NOL4L: variants seen among roughly 807,000 people sequenced by gnomAD.
NOL4L encodes nucleolar protein 4 like, also known as nucleolar protein 4-like.
Under a neutral mutation model 64.5 loss-of-function variants are expected in NOL4L, and 7 were observed. The observed-to-expected ratio is 0.11, with a 90% CI of 0.06 to 0.20. NOL4L has a LOEUF of 0.20. Ranked by LOEUF, NOL4L falls within the 10% of genes least tolerant of loss-of-function variation. NOL4L has a pLI of 1.00. For missense variants in NOL4L, 680 were observed against 967.1 expected, an observed-to-expected ratio of 0.70 and a Z score of 3.94; for synonymous variants, 413 against 401.0, an observed-to-expected ratio of 1.03 and a Z score of -0.36.
intron 4 of NOL4L, 150 bp from the exon 5 acceptor site, chr20:32,474,892 G>A (rs1401706682): frequency 3.0e-5 from 43 of 1,423,380 alleles, no homozygotes; most frequent in Non-Finnish European, 3.8e-5. Context: ...GGGCTGGGTG[G>A]TGCTCCCCCT....
chr20:32,481,975 G>GA (rs2015753977), intron 4 of NOL4L, among the ~76,000 whole-genome samples: 1 of 138,990 alleles, frequency 7.2e-6, no homozygotes, highest in Non-Finnish European at 1.6e-5. Flanking sequence ...GGGGGGGGGG[G>GA]AGCAGGCTGG....
chr20:32,558,908 C>G (rs1978830561), intron 1 of NOL4L, among the ~76,000 whole-genome samples: 1 of 152,188 alleles, frequency 6.6e-6, no homozygotes, highest in Non-Finnish European at 1.5e-5. Flanking sequence ...TGGACCGGAG[C>G]AGGGGCAGCG....
chr20:32,548,451 A>G (rs1226867302), intron 1 of NOL4L: 1 of 153,900 alleles, frequency 6.5e-6, no homozygotes, highest in Non-Finnish European at 1.4e-5. Flanking sequence ...TGGGGGCCAA[A>G]TCAAATGGTG....
At position 32,452,893 on chromosome 20, in the gene NOL4L, C is replaced by A; in HGVS notation, c.1611G>T (p.Gln537His). The change falls in exon 9 of 11, where the codon CAG becomes CAT. Residue 537 changes from glutamine to histidine, a missense_variant. Physicochemically the swap from Gln to His is conservative, Grantham distance 24. Transcript: ENST00000621426. ...CTGCGGTGGCAGGTACCTGTGAGGA[C>A]TGGTAGATCTCTAGACGCATCCGCT... ...AAKRMRLEIY[Q>H]SSQDEPIALD... The A allele has an allele frequency of 6.2e-7, 1 of 1,614,028 alleles. No individual in the cohort carries two copies. Among genetic ancestry groups the A allele is most frequent in the Non-Finnish European group, 8.5e-7 (1 of 1,180,012 alleles).
Position 32,447,183 on chromosome 20 carries a change from A to G in NOL4L, c.*413T>C. On this transcript the variant is annotated 3_prime_UTR_variant, in exon 11 of 11. Transcript: ENST00000621426. The stretch of plus-strand genomic sequence containing the variant: ...AAAAATAAATTACTAAGGGGAGAGG[A>G]AGAAAGGGTCCACTTTGCTTTTCTC... 1 of 463,584 alleles carries G rather than the reference A, an allele frequency of 2.2e-6. No homozygotes were observed. The highest frequency in any genetic ancestry group is 4.3e-6 in the Non-Finnish European group (1 of 232,854). The allele number at this position is 463,584 out of a possible 1,614,324, so 28.7% of individuals were successfully genotyped here.
chr20:32,499,215 T>C (rs1282088452), intron 4 of NOL4L, among the ~76,000 whole-genome samples: 3 of 152,154 alleles, frequency 2.0e-5, no homozygotes, highest in African/African-American at 7.2e-5. Flanking sequence ...CTATTTTGCA[T>C]GATACCATTT....
intron 4 of NOL4L, among the ~76,000 whole-genome samples, chr20:32,482,869 AC>A (rs1330813189): frequency 1.4e-5 from 2 of 143,780 alleles, no homozygotes; most frequent in East Asian, 4.2e-4. Flanking sequence ...GGCCGCGGCA[AC>A]CCGAGCCCGG....
chr20:32,524,476 T>C (rs2018056288), intron 2 of NOL4L, among the ~76,000 whole-genome samples: 1 of 152,200 alleles, frequency 6.6e-6, no homozygotes, highest in Non-Finnish European at 1.5e-5. Flanking sequence ...ACGCCTCATT[T>C]AGTGCACTGA....
At chr20:32,477,682 A>G (rs988461605) in intron 4 of NOL4L, among the ~76,000 whole-genome samples, 2 of 152,230 alleles carry the variant, frequency 1.3e-5, no homozygotes, top group African/African-American at 4.8e-5. Context: ...GGGCATATGA[A>G]GCCCAGGATG....
At chr20:32,485,353 C>A (rs1461454101) in intron 4 of NOL4L, among the ~76,000 whole-genome samples, 1 of 152,160 alleles carries the variant, frequency 6.6e-6, no homozygotes, top group East Asian at 1.9e-4. Flanking sequence ...AAACAAGGCT[C>A]CCTCTACAGC....
chr20:32,495,481 G>C (rs974600070), intron 4 of NOL4L, among the ~76,000 whole-genome samples: 7 of 152,216 alleles, frequency 4.6e-5, no homozygotes, highest in African/African-American at 1.7e-4. Flanking sequence ...GTAGGTAGGC[G>C]GGCTCTGGGC....
chr20:32,537,304 A>G (rs1234690243), intron 1 of NOL4L, among the ~76,000 whole-genome samples: 1 of 151,816 alleles, frequency 6.6e-6, no homozygotes, highest in Admixed American at 6.6e-5. Flanking sequence ...TTTAACAACC[A>G]AGATACTGCG....
intron 4 of NOL4L, chr20:32,485,451 C>T: frequency 3.9e-6 from 1 of 253,814 alleles, no homozygotes; most frequent in South Asian, 3.9e-5. Flanking sequence ...CACATTAGCG[C>T]CACGCAGGCT....
intron 2 of NOL4L, among the ~76,000 whole-genome samples, chr20:32,525,854 C>G (rs2018113773): frequency 6.6e-6 from 1 of 152,192 alleles, no homozygotes; most frequent in Non-Finnish European, 1.5e-5. Flanking sequence ...GTTTCCTGGG[C>G]TCAAGTGATT....
chr20:32,540,247 C>T (rs928525103), intron 1 of NOL4L, among the ~76,000 whole-genome samples: 11 of 152,050 alleles, frequency 7.2e-5, no homozygotes, highest in South Asian at 2.1e-4. Context: ...GTGTGTAGGC[C>T]GTGACACACA....
At chr20:32,478,664 G>A (rs1312869271) in intron 4 of NOL4L, among the ~76,000 whole-genome samples, 4 of 152,168 alleles carry the variant, frequency 2.6e-5, no homozygotes, top group African/African-American at 9.7e-5. Context: ...GTACAGTGGT[G>A]CAATAGTGGC....
At chr20:32,486,623 C>G in intron 4 of NOL4L, 1 of 447,364 alleles carries the variant, frequency 2.2e-6, no homozygotes, top group Non-Finnish European at 4.6e-6. Context: ...AGACACTGTT[C>G]AAGCACGTCA....
At chr20:32,555,744 T>G (rs1223950855) in intron 1 of NOL4L, among the ~76,000 whole-genome samples, 1 of 152,088 alleles carries the variant, frequency 6.6e-6, no homozygotes, top group Non-Finnish European at 1.5e-5. Context: ...GAGAAGTGAC[T>G]GTCCACAAGC....
At chr20:32,576,611 T>A (rs1000703012) in intron 1 of NOL4L, among the ~76,000 whole-genome samples, 1 of 152,138 alleles carries the variant, frequency 6.6e-6, no homozygotes, top group Non-Finnish European at 1.5e-5. Flanking sequence ...AGGAGCTCCA[T>A]GTCCAGGGTG....
Sources: allele counts gnomAD v4.1 joint callset (sites outside exome capture counted in the v4.1 genomes callset), GRCh38; gene constraint gnomAD v4.1.1; transcripts MANE v1.5; gene names NCBI Gene and HGNC (gene_info 2026-07-23, HGNC 2026-07-21).